Variants in GRM8 observed in about 807,000 individuals in gnomAD.
GRM8 encodes the protein glutamate metabotropic receptor 8, also known as metabotropic glutamate receptor 8.
GRM8 carries 47 observed loss-of-function variants against 87.2 expected under a neutral mutation model. The ratio of observed to expected loss-of-function variants is 0.54; its 90% confidence interval spans 0.43 to 0.69. The LOEUF (loss-of-function observed/expected upper bound fraction) is 0.69, where lower values mean the gene tolerates loss of function less well. Among genes scored for constraint, GRM8 ranks in the 30% least tolerant of loss-of-function variants. The pLI, the probability that GRM8 is intolerant of heterozygous loss-of-function variation, is 0.00. For synonymous variants in GRM8, 396 were observed against 404.5 expected, an observed-to-expected ratio of 0.98 and a Z score of 0.25; for missense variants, 1,019 against 1,139.2, an observed-to-expected ratio of 0.89 and a Z score of 1.52.
chr7:126,450,433 T>G (rs1802486751), intron 9 of GRM8, among the ~76,000 whole-genome samples: 1 of 151,868 alleles, frequency 6.6e-6, no homozygotes. Flanking sequence ...GTCACCAGGT[T>G]CTGTTTGGCT....
chr7:126,724,679 T>C (rs1441912878), intron 7 of GRM8, among the ~76,000 whole-genome samples: 1 of 152,084 alleles, frequency 6.6e-6, no homozygotes, highest in African/African-American at 2.4e-5. Flanking sequence ...TTAAGAACAC[T>C]TTTATGTAAA....
intron 6 of GRM8, among the ~76,000 whole-genome samples, chr7:126,800,014 T>C (rs551380059): frequency 8.5e-5 from 13 of 152,268 alleles, no homozygotes; most frequent in Middle Eastern, 3.4e-3. Flanking sequence ...ATAGTTAGAA[T>C]AGGAATAATC....
chr7:126,625,043 A>C (rs1800537735), intron 7 of GRM8, among the ~76,000 whole-genome samples: 1 of 152,222 alleles, frequency 6.6e-6, no homozygotes, highest in African/African-American at 2.4e-5. Context: ...GCAGACACCC[A>C]TAACATCCAA....
intron 7 of GRM8, among the ~76,000 whole-genome samples, chr7:126,640,243 T>C (rs1193198197): frequency 6.6e-6 from 1 of 152,016 alleles, no homozygotes; most frequent in Non-Finnish European, 1.5e-5. Flanking sequence ...ATGGCTGGAG[T>C]TCTAGTTCAT....
intron 2 of GRM8, among the ~76,000 whole-genome samples, chr7:127,135,308 C>A (rs938648085): frequency 1.1e-4 from 16 of 152,116 alleles, no homozygotes; most frequent in African/African-American, 3.9e-4. Flanking sequence ...AATTATAAAT[C>A]TTTTTTTCAC....
At chr7:126,903,175 T>G (rs966335347) in intron 5 of GRM8, among the ~76,000 whole-genome samples, 1 of 152,182 alleles carries the variant, frequency 6.6e-6, no homozygotes, top group African/African-American at 2.4e-5. Flanking sequence ...TGTCATCTTA[T>G]GGAGTCATGA....
intron 3 of GRM8, among the ~76,000 whole-genome samples, chr7:127,009,840 A>G (rs1418656529): frequency 1.3e-5 from 2 of 151,340 alleles, no homozygotes; most frequent in Non-Finnish European, 2.9e-5. Flanking sequence ...TTTAGTATCT[A>G]TATGTCTTTT....
At position 127,252,589 on chromosome 7, in the gene GRM8, C is replaced by T. The variant is rs1798932542; in HGVS notation, c.-312+208G>A. Among the ~76,000 whole-genome samples the T allele has an allele frequency of 2.6e-5, 4 of 152,102 alleles. No individual in the cohort carries two copies. Among genetic ancestry groups the T allele is most frequent in the African/African-American group, 7.2e-5 (3 of 41,424 alleles). On this transcript the variant is annotated intron_variant, in intron 1 of 10. Coordinates refer to ENST00000339582, the MANE Select transcript of GRM8 (RefSeq NM_000845.3). This position sits in a 1 kb window ranked among gnomAD's most constrained non-coding sequence, Gnocchi z 4.9. The stretch of plus-strand genomic sequence containing the variant: ...ACTTGTGCTCAGGAAAAACAAATCA[C>T]TAGAGTGATATGAGAAGGAATGGTG...
chr7:126,453,116 C>A (rs906547694), intron 9 of GRM8, among the ~76,000 whole-genome samples: 1 of 147,132 alleles, frequency 6.8e-6, no homozygotes, highest in Non-Finnish European at 1.5e-5. Flanking sequence ...CACACACATA[C>A]AAGCAAAATG....
intron 3 of GRM8, among the ~76,000 whole-genome samples, chr7:127,076,464 C>A (rs1195104628): frequency 1.3e-5 from 2 of 152,180 alleles, no homozygotes; most frequent in East Asian, 3.8e-4. Flanking sequence ...CAGAGAGAGT[C>A]CCCAAGGCTG....
intron 3 of GRM8, chr7:126,980,879 A>C (rs1380143317): frequency 6.6e-6 from 1 of 152,190 alleles, no homozygotes; most frequent in Non-Finnish European, 1.5e-5. Flanking sequence ...ACTACTTTAA[A>C]AACTACTTTT....
chr7:126,851,732 A>G (rs1797233180), intron 6 of GRM8, among the ~76,000 whole-genome samples: 1 of 152,034 alleles, frequency 6.6e-6, no homozygotes. Flanking sequence ...CTCCAATGTC[A>G]TCTCAGGGTG....
chr7:126,809,233 A>C (rs1793064150), intron 6 of GRM8, among the ~76,000 whole-genome samples: 1 of 152,188 alleles, frequency 6.6e-6, no homozygotes, highest in South Asian at 2.1e-4. Flanking sequence ...ATAATGTAAA[A>C]GTCAACTAAT....
intron 7 of GRM8, among the ~76,000 whole-genome samples, chr7:126,629,590 A>C (rs192060644): frequency 6.6e-6 from 1 of 152,310 alleles, no homozygotes; most frequent in Non-Finnish European, 1.5e-5. Context: ...CAGATGCCTA[A>C]GTGTCTAAAG....
At chr7:127,063,085 T>C (rs944173788) in intron 3 of GRM8, among the ~76,000 whole-genome samples, 3 of 151,924 alleles carry the variant, frequency 2.0e-5, no homozygotes, top group African/African-American at 7.3e-5. Flanking sequence ...ACCCCGTTTC[T>C]ACAAAAACAT....
intron 7 of GRM8, among the ~76,000 whole-genome samples, chr7:126,717,887 C>T (rs1811926327): frequency 6.6e-6 from 1 of 152,122 alleles, no homozygotes; most frequent in Non-Finnish European, 1.5e-5. Flanking sequence ...GTAACTCTTT[C>T]ATAAGTACAT....
intron 8 of GRM8, among the ~76,000 whole-genome samples, chr7:126,608,027 C>T (rs1289999224): frequency 6.6e-6 from 1 of 152,002 alleles, no homozygotes; most frequent in Non-Finnish European, 1.5e-5. Flanking sequence ...GTGCTCCATA[C>T]TTCTCTATAC....
intron 6 of GRM8, among the ~76,000 whole-genome samples, chr7:126,772,763 G>T (rs1462470419): frequency 6.6e-6 from 1 of 151,916 alleles, no homozygotes; most frequent in African/African-American, 2.4e-5. Flanking sequence ...CAATATTTAC[G>T]CATTTCAAAG....
intron 6 of GRM8, among the ~76,000 whole-genome samples, chr7:126,848,704 C>T (rs1386052876): frequency 6.6e-6 from 1 of 151,938 alleles, no homozygotes; most frequent in Non-Finnish European, 1.5e-5. Flanking sequence ...GCCTGTAGTC[C>T]CAGCTATATG....
Sources: allele counts gnomAD v4.1 joint callset (sites outside exome capture counted in the v4.1 genomes callset), GRCh38; gene constraint gnomAD v4.1.1; non-coding constraint Gnocchi (gnomAD v3.1); transcripts MANE v1.5; gene names NCBI Gene and HGNC (gene_info 2026-07-23, HGNC 2026-07-21).